The following TG variants were observed in gnomAD, a reference collection of about 807,000 sequenced individuals.
The protein encoded by TG is thyroglobulin, also known as thyroid hormones.
TG carries 270 observed loss-of-function variants against 324.7 expected under a neutral mutation model. The observed-to-expected ratio is 0.83, with a 90% CI of 0.75 to 0.92. The LOEUF (loss-of-function observed/expected upper bound fraction) is 0.92, where lower values mean the gene tolerates loss of function less well. TG is among the 40% of genes least tolerant of loss of function. TG has a pLI of 0.00. For synonymous variants in TG, 1,401 were observed against 1,327.0 expected, an observed-to-expected ratio of 1.06 and a Z score of -1.21; for missense variants, 3,591 against 3,456.4, an observed-to-expected ratio of 1.04 and a Z score of -0.98.
intron 5 of TG, among the ~76,000 whole-genome samples, chr8:132,879,038 A>C (rs964480172): frequency 7.2e-5 from 11 of 152,094 alleles, no homozygotes; most frequent in Admixed American, 3.3e-4. Flanking sequence ...GCATGACAGA[A>C]CCCCTGTTCC....
intron 28 of TG, among the ~76,000 whole-genome samples, 167 bp downstream of exon 28, chr8:132,961,240 A>G (rs551362206): frequency 6.6e-6 from 1 of 152,342 alleles, no homozygotes; most frequent in South Asian, 2.1e-4. Flanking sequence ...TCATCAGATA[A>G]GATGCCAAAG....
intron 26 of TG, among the ~76,000 whole-genome samples, chr8:132,945,906 G>A (rs1239080429): frequency 6.6e-6 from 1 of 152,152 alleles, no homozygotes; most frequent in African/African-American, 2.4e-5. Context: ...GCTAAAATGA[G>A]AATGTTTTGT....
chr8:133,018,365 T>C (rs1835252467), intron 38 of TG, among the ~76,000 whole-genome samples: 1 of 152,118 alleles, frequency 6.6e-6, no homozygotes, highest in Non-Finnish European at 1.5e-5. Context: ...GAGGTTCCCA[T>C]AGAATAAGCC....
At chr8:133,132,048 T>G (rs912096589) in intron 46 of TG, 102 bp downstream of exon 46, 1 of 1,544,742 alleles carries the variant, frequency 6.5e-7, no homozygotes, top group Non-Finnish European at 8.9e-7. Flanking sequence ...GACTCATCCT[T>G]TCCTCCGTAG....
At chr8:133,024,293 T>C (rs1255464260) in intron 40 of TG, among the ~76,000 whole-genome samples, 1 of 152,214 alleles carries the variant, frequency 6.6e-6, no homozygotes, top group Non-Finnish European at 1.5e-5. Context: ...TTGCATTCAT[T>C]AGCCACAGGC....
rs1283478021 is a variant in TG, at chr8:132,963,058, A to G, written c.5532A>G (p.Ala1844=). 6.2e-7 allele frequency: 1 copy of G among 1,613,926 alleles called. No homozygotes were observed. The highest frequency in any genetic ancestry group is 8.5e-7 in the Non-Finnish European group (1 of 1,179,916). The change falls in exon 29 of 48, where the codon GCA becomes GCG. Residue 1844 remains alanine (A), a synonymous_variant. Transcript: ENST00000220616. The part of the protein sequence containing the change: ...GCRKDTVPRP[A]SPTEAGLTTE... The stretch of plus-strand genomic sequence containing the variant: ...GAAAAGACACAGTGCCAAGGCCAGC[A>G]TCTCCAACAGAAGCAGGTACTGACC...
intron 41 of TG, chr8:133,037,350 A>G (rs1228582793): frequency 2.0e-5 from 3 of 152,130 alleles, no homozygotes; most frequent in Admixed American, 6.5e-5. Context: ...GGAGCTGAGC[A>G]TTTTTCCTCA....
At chr8:133,087,570 G>A (rs975633445) in intron 41 of TG, 1 of 152,122 alleles carries the variant, frequency 6.6e-6, no homozygotes, top group African/African-American at 2.4e-5. Flanking sequence ...ATTTTGACAA[G>A]GATCAGTCAT....
In TG at chr8:132,991,046, C is replaced by G. The variant is rs533051663; in HGVS notation, c.6262+7634C>G. Reference sequence around the variant, plus strand: ...TGTCTCGGTGGAGGCCTCAGATGGCCCTTTAGGGATGCTGAAGCTGGGATG... The same window carrying G: ...TGTCTCGGTGGAGGCCTCAGATGGCGCTTTAGGGATGCTGAAGCTGGGATG... On this transcript the variant is annotated intron_variant, in intron 35 of 47. Coordinates refer to ENST00000220616, the MANE Select transcript of TG (RefSeq NM_003235.5). Among the ~76,000 whole-genome samples, 14 of 78,414 alleles carry G rather than the reference C, an allele frequency of 1.8e-4. No individual in the cohort carries two copies. The East Asian group carries it at 4.8e-3, about 27-fold the overall frequency. The allele number at this position is 78,414 out of a possible 152,430, so 51.4% of individuals were successfully genotyped here. A position where few individuals can be genotyped will look rare whatever the true frequency, so the allele number is the denominator to read the frequency against.
rs536513519 is a variant in TG at position 133,013,815 on chromosome 8, G to A, written c.6562+51G>A. On this transcript the variant is annotated intron_variant, in intron 37 of 47. Transcript: ENST00000220616. ...GCCATCCTGGGAAACTGGGTCTGGG[G>A]AAGGGACTATTTAAACACTTGGTGA... 6 of 1,580,682 alleles carry A rather than the reference G, an allele frequency of 3.8e-6. No homozygotes were observed. The African/African-American group carries it at 8.1e-5, about 21-fold the overall frequency.
intron 41 of TG, among the ~76,000 whole-genome samples, chr8:133,091,537 G>T (rs1325583764): frequency 6.6e-6 from 1 of 152,132 alleles, no homozygotes; most frequent in African/African-American, 2.4e-5. Context: ...GGGAAATGCT[G>T]CAGGGTCCAT....
intron 27 of TG, among the ~76,000 whole-genome samples, chr8:132,952,214 G>A (rs1826204700): frequency 6.6e-6 from 1 of 152,174 alleles, no homozygotes; most frequent in African/African-American, 2.4e-5. Context: ...GTAGTTGAGA[G>A]GATTAAAGAA....
chr8:133,086,861 C>A (rs1042033386), intron 41 of TG, among the ~76,000 whole-genome samples: 2 of 152,174 alleles, frequency 1.3e-5, no homozygotes, highest in African/African-American at 4.8e-5. Context: ...GTATCCAAGT[C>A]TATCATATTT....
chr8:132,980,887 C>T lies in TG; in HGVS notation c.6200-2463C>T, dbSNP rs561050567. 1.2e-4 allele frequency among the ~76,000 whole-genome samples: 18 copies of T among 152,064 alleles called. No homozygotes were observed. The South Asian group carries it at 2.1e-3, about 18-fold the overall frequency. ...ATATTTGCCAGCACAGCACTGCATG[C>T]GGTAAGAGTAGGCCCTATCTCATCA... On this transcript the variant is annotated intron_variant, in intron 34 of 47. Transcript: ENST00000220616.
intron 43 of TG, among the ~76,000 whole-genome samples, chr8:133,107,407 GC>G (rs1487757448): frequency 1.6e-4 from 24 of 152,266 alleles, no homozygotes; most frequent in African/African-American, 5.1e-4. Flanking sequence ...GTTCATGACA[GC>G]CCTTTGTGTA....
intron 41 of TG, among the ~76,000 whole-genome samples, chr8:133,053,389 A>G (rs1840787732): frequency 6.6e-6 from 1 of 152,222 alleles, no homozygotes; most frequent in South Asian, 2.1e-4. Context: ...GGATGCTCAA[A>G]GCAGGCTTAC....
At chr8:132,972,388 G>A (rs1829648067) in intron 33 of TG, 2 of 612,076 alleles carry the variant, frequency 3.3e-6, no homozygotes, top group Admixed American at 2.9e-5. Context: ...TGCTTGATAA[G>A]TAGCTCTATC....
intron 44 of TG, 86 bp from the exon 45 acceptor site, chr8:133,116,523 C>A (rs543953219): frequency 7.7e-7 from 1 of 1,290,608 alleles, no homozygotes; most frequent in Non-Finnish European, 1.1e-6. Flanking sequence ...GCCCAGGGGG[C>A]CCCTTGCTGG....
intron 29 of TG, among the ~76,000 whole-genome samples, chr8:132,965,167 C>G (rs1828364886): frequency 6.6e-6 from 1 of 152,054 alleles, no homozygotes; most frequent in South Asian, 2.1e-4. Flanking sequence ...GCAATATGAT[C>G]TCTGAGGTCT....
Sources: gnomAD v4.1 joint callset for allele counts (sites outside exome capture counted in the v4.1 genomes callset) on GRCh38, gnomAD v4.1.1 for gene constraint, MANE v1.5 for transcripts, NCBI Gene and HGNC (gene_info 2026-07-23, HGNC 2026-07-21) for gene names.